Variants in NRXN1 observed in about 807,000 individuals in gnomAD.
NRXN1 encodes neurexin-1.
In NRXN1, 39 loss-of-function variants were observed where a neutral mutation model predicts 150.9. That is an observed-to-expected ratio of 0.26 (90% CI 0.20 to 0.34). NRXN1 has a LOEUF of 0.34. Among genes scored for constraint, NRXN1 ranks in the 10% least tolerant of loss-of-function variants. The pLI is 1.00. For synonymous variants in NRXN1, 924 were observed against 757.0 expected (o/e 1.22, Z -3.62); for missense variants, 1,815 against 1,949.9 (o/e 0.93, Z 1.30).
chr2:50,876,141 A>G (rs1198449743), intron 5 of NRXN1, among the ~76,000 whole-genome samples: 1 of 151,822 alleles, frequency 6.6e-6, no homozygotes, highest in Non-Finnish European at 1.5e-5. Context: ...ATCCCAAGTA[A>G]AGATCTCAAA....
At chr2:50,788,025 A>G (rs1007313610) in intron 5 of NRXN1, among the ~76,000 whole-genome samples, 1 of 152,018 alleles carries the variant, frequency 6.6e-6, no homozygotes, top group Non-Finnish European at 1.5e-5. Context: ...GTGCTCCAAA[A>G]TATGAGAAGG....
intron 17 of NRXN1, among the ~76,000 whole-genome samples, chr2:50,314,234 T>C (rs951905336): frequency 3.9e-5 from 6 of 152,074 alleles, no homozygotes. Context: ...CAGACATCTT[T>C]CCTGCTTCAA....
chr2:50,619,512 T>G (rs2104230980), intron 8 of NRXN1: 1 of 160,802 alleles, frequency 6.2e-6, no homozygotes, highest in East Asian at 1.8e-4. Flanking sequence ...TAACATTTAC[T>G]TCCTCCAGAA....
intron 21 of NRXN1, among the ~76,000 whole-genome samples, chr2:49,967,706 T>G (rs904322783): frequency 5.3e-5 from 8 of 152,088 alleles, no homozygotes; most frequent in African/African-American, 1.9e-4. Context: ...CAGTATTTAT[T>G]TTGTTATTGC....
chr2:50,656,067 C>T (rs1371216831), intron 5 of NRXN1, among the ~76,000 whole-genome samples: 3 of 151,854 alleles, frequency 2.0e-5, no homozygotes, highest in East Asian at 1.9e-4. Flanking sequence ...GGAATCTAAG[C>T]ACTTCTTATC....
chr2:50,748,899 G>C (rs1015302777), intron 5 of NRXN1, among the ~76,000 whole-genome samples: 1 of 152,086 alleles, frequency 6.6e-6, no homozygotes, highest in African/African-American at 2.4e-5. Flanking sequence ...TTTTGGAGGA[G>C]TTGAATACAG....
chr2:50,044,138 T>A (rs1270022314), intron 21 of NRXN1, among the ~76,000 whole-genome samples: 4 of 152,222 alleles, frequency 2.6e-5, no homozygotes, highest in African/African-American at 9.6e-5. Context: ...AACATGATTT[T>A]AAAGTTCTCA....
intron 17 of NRXN1, among the ~76,000 whole-genome samples, chr2:50,359,711 C>T (rs984302461): frequency 2.6e-5 from 4 of 151,984 alleles, no homozygotes; most frequent in African/African-American, 9.7e-5. Flanking sequence ...AGAACTTGCC[C>T]AACCCGCAAG....
chr2:51,012,613 G>A (rs1271624039), intron 2 of NRXN1, among the ~76,000 whole-genome samples: 3 of 151,956 alleles, frequency 2.0e-5, no homozygotes, highest in African/African-American at 4.8e-5. Context: ...GCTGTCAAAC[G>A]TTTAGTCCTC....
chr2:50,423,420 A>G (rs1395551279), intron 17 of NRXN1, among the ~76,000 whole-genome samples: 2 of 151,546 alleles, frequency 1.3e-5, no homozygotes, highest in Non-Finnish European at 1.5e-5. Flanking sequence ...TTACCCTTCA[A>G]TGCTGTTTGG....
intron 17 of NRXN1, among the ~76,000 whole-genome samples, chr2:50,339,559 C>T (rs960948020): frequency 3.9e-5 from 6 of 152,152 alleles, no homozygotes; most frequent in Non-Finnish European, 7.4e-5. Context: ...ATATTAAGTT[C>T]CCACAATTAA....
At chr2:50,537,741 A>C (rs2093297372) in intron 10 of NRXN1, among the ~76,000 whole-genome samples, 1 of 152,182 alleles carries the variant, frequency 6.6e-6, no homozygotes, top group Non-Finnish European at 1.5e-5. Flanking sequence ...AAGTCAGCTT[A>C]CTTTTCAGAG....
rs1671064986 is a variant in NRXN1 at position 50,829,408 on chromosome 2, A to T, written c.832+92461T>A. On this transcript the variant is annotated intron_variant, in intron 5 of 22. Transcript: ENST00000401669. ...CTCCCAAAGTGCGGGGATTACAGGC[A>T]TGAGCCACTGTGCCCGGCTAACTCA... 6 of 1,342,126 alleles carry T rather than the reference A, an allele frequency of 4.5e-6. No homozygotes were observed. The East Asian group carries it at 1.4e-4, about 32-fold the overall frequency. The allele number at this position is 1,342,126 out of a possible 1,614,324, so 83.1% of individuals were successfully genotyped here. A position where few individuals can be genotyped will look rare whatever the true frequency, so the allele number is the denominator to read the frequency against.
At chr2:50,884,097 A>C (rs1679864529) in intron 5 of NRXN1, among the ~76,000 whole-genome samples, 1 of 151,860 alleles carries the variant, frequency 6.6e-6, no homozygotes, top group Admixed American at 6.6e-5. Context: ...TGTTACTTCA[A>C]AACTTTTGAC....
intron 18 of NRXN1, among the ~76,000 whole-genome samples, chr2:50,127,973 T>A (rs1206814882): frequency 6.6e-6 from 1 of 152,228 alleles, no homozygotes; most frequent in Non-Finnish European, 1.5e-5. Flanking sequence ...TTGATTTTAC[T>A]CCCCAGTTAC....
chr2:50,014,270 G>A (rs1427684108), intron 21 of NRXN1, among the ~76,000 whole-genome samples: 1 of 152,014 alleles, frequency 6.6e-6, no homozygotes, highest in Non-Finnish European at 1.5e-5. Flanking sequence ...AGTTACCAAT[G>A]CAACTAAACT....
At position 50,594,911 on chromosome 2, in the gene NRXN1, A is replaced by G. The variant is rs945018910; in HGVS notation, c.1320+25111T>C. ...ACGATGCTTTAAATCCAACTCATTTATTCATTATTCATATTGTGTCTTTTG... is the reference window on the plus strand; with the variant it reads ...ACGATGCTTTAAATCCAACTCATTTGTTCATTATTCATATTGTGTCTTTTG... On this transcript the variant is annotated intron_variant, in intron 8 of 22. Coordinates refer to ENST00000401669, the MANE Select transcript of NRXN1 (RefSeq NM_001330078.2). Among the ~76,000 whole-genome samples, 4 of 151,772 alleles carry G rather than the reference A, an allele frequency of 2.6e-5. No individual in the cohort carries two copies. The East Asian group carries it at 7.8e-4, about 29-fold the overall frequency.
intron 21 of NRXN1, among the ~76,000 whole-genome samples, chr2:50,021,824 T>C (rs1021656110): frequency 2.6e-5 from 4 of 152,194 alleles, no homozygotes; most frequent in African/African-American, 9.7e-5. Flanking sequence ...TTCAAAACCA[T>C]GGCTACAACA....
chr2:50,258,414 A>C (rs964283263), intron 17 of NRXN1, among the ~76,000 whole-genome samples: 3 of 152,154 alleles, frequency 2.0e-5, no homozygotes, highest in Non-Finnish European at 2.9e-5. Flanking sequence ...CATAAGAAGC[A>C]ACTTCTCATT....
Sources: allele counts gnomAD v4.1 joint callset (sites outside exome capture counted in the v4.1 genomes callset), GRCh38; gene constraint gnomAD v4.1.1; transcripts MANE v1.5; gene names NCBI Gene and HGNC (gene_info 2026-07-23, HGNC 2026-07-21).